Variants in KRT77 observed in about 807,000 individuals in gnomAD.
The protein encoded by KRT77 is keratin 77.
A neutral mutation model predicts 51.5 loss-of-function variants in KRT77; 44 were observed. That is an observed-to-expected ratio of 0.85 (90% CI 0.67 to 1.10). The LOEUF (loss-of-function observed/expected upper bound fraction) is 1.10. Among genes scored for constraint, KRT77 ranks in the 50% least tolerant of loss-of-function variants. KRT77 has a pLI of 0.00. For synonymous variants in KRT77, 293 were observed against 302.0 expected, an observed-to-expected ratio of 0.97 and a Z score of 0.31; for missense variants, 763 against 743.9, an observed-to-expected ratio of 1.03 and a Z score of -0.30.
chr12:52,690,259 A>C lies in KRT77; in HGVS notation c.*906T>G, dbSNP rs1426808253. The C allele has an allele frequency of 6.6e-6, 1 of 152,250 alleles. No homozygotes were observed. Among genetic ancestry groups the C allele is most frequent in the African/African-American group, 2.4e-5 (1 of 41,464 alleles). The allele number at this position is 152,250 out of a possible 1,614,324, so 9.4% of individuals were successfully genotyped here. ...TGCTTGTCTGTTCATCAACTCCTGC[A>C]TCCACTGCTAAAACAGGCTTCCTTT... On this transcript the variant is annotated 3_prime_UTR_variant, in exon 9 of 9. Transcript: ENST00000341809.
At position 52,703,066 on chromosome 12, in the gene KRT77, C is replaced by G. The variant is rs760779093; in HGVS notation, c.369G>C (p.Gly123=). 2.8e-5 allele frequency: 45 copies of G among 1,613,744 alleles called. No individual in the cohort carries two copies. Among genetic ancestry groups the G allele is most frequent in the Non-Finnish European group, 3.4e-5 (40 of 1,179,968 alleles). ...GGAGFGTSNF[G]LGGFGPYCPP... is the part of the protein sequence containing the mutation. ...GACAATAAGGACCAAAGCCCCCAAG[C>G]CCAAAATTGCTAGTCCCAAATCCAG... is the stretch of plus-strand genomic sequence containing the variant. The change falls in exon 1 of 9, where the codon GGG becomes GGC. Residue 123 remains glycine, a synonymous_variant. Transcript: ENST00000341809.
At chr12:52,692,358 A>G (rs1394393630) in intron 7 of KRT77, 63 bp downstream of exon 7, 1 of 1,563,880 alleles carries the variant, frequency 6.4e-7, no homozygotes, top group East Asian at 2.3e-5. Flanking sequence ...CCAAATAGCC[A>G]GTCCCACAGC....
At position 52,694,638 on chromosome 12, in the gene KRT77, C is replaced by T; in HGVS notation, c.1068G>A (p.Leu356=). 6.2e-7 allele frequency: 1 copy of T among 1,606,632 alleles called. No individual in the cohort carries two copies. ...GGGCCACGCCCACCTTGGTCTGGTA[C>T]AGGGCTTCGGCCTCGTCCTTGCTCC... ...AQRSKDEAEA[L]YQTKYQELQI... The change falls in exon 5 of 9, where the codon CTG becomes CTA. Residue 356 remains leucine, a synonymous_variant. Coordinates refer to ENST00000341809, the MANE Select transcript of KRT77 (RefSeq NM_175078.3).
intron 8 of KRT77, 80 bp downstream of exon 8, chr12:52,691,858 C>G: frequency 6.4e-7 from 1 of 1,555,254 alleles, no homozygotes; most frequent in Non-Finnish European, 8.8e-7. Context: ...CCAGACTTTC[C>G]GTTCTCTGCT....
At chr12:52,692,283 A>T in intron 7 of KRT77, 138 bp downstream of exon 7, 1 of 905,308 alleles carries the variant, frequency 1.1e-6, no homozygotes, top group Non-Finnish European at 1.7e-6. Flanking sequence ...CTCTGCCTCT[A>T]ATTGGAATGT....
rs566088726 is a variant in KRT77 at position 52,696,420 on chromosome 12, C to G, written c.769G>C (p.Glu257Gln). 1 of 1,614,222 alleles carries G rather than the reference C, an allele frequency of 6.2e-7. No homozygotes were observed. Among genetic ancestry groups the G allele is most frequent in the African/African-American group, 1.3e-5 (1 of 75,070 alleles). The change falls in exon 3 of 9, where the codon GAA becomes CAA. Residue 257 changes from glutamate to glutamine, a missense_variant. Transcript: ENST00000341809. ...VEDYKSKYEDEINKRTGSEND... is the reference protein window; with the variant it reads ...VEDYKSKYEDQINKRTGSEND... Reference sequence around the variant, plus strand: ...TCGCTGCCAGTCCTCTTGTTGATTTCATCCTCATACCTGTCAGGCGAGGCA... The same window carrying G: ...TCGCTGCCAGTCCTCTTGTTGATTTGATCCTCATACCTGTCAGGCGAGGCA...
Position 52,692,861 on chromosome 12 carries a change from G to A in KRT77, c.1100C>T (p.Thr367Met), listed in dbSNP as rs3782489. The A allele has an allele frequency of 0.37, 600,467 of 1,603,032 alleles. 137,812 individuals carry two copies. The highest frequency in any genetic ancestry group is 0.43 in the African/African-American group (31,724 of 74,632). Residue 367 changes from threonine to methionine, a missense_variant, in exon 6 of 9, where the codon ACG (threonine) becomes ATG (methionine). Physicochemically the swap from Thr to Met is moderately conservative, Grantham distance 81 (BLOSUM62 -1). Transcript: ENST00000341809. ...YQTKYQELQI[T>M]AGRHGDDLKN... ...CAGGTCGTCTCCATGTCTCCCTGCC[G>A]TGATCTGGAGCTCCTGGTACTGGGG...
intron 3 of KRT77, 26 bp downstream of exon 3, chr12:52,696,344 A>G: frequency 6.2e-7 from 1 of 1,611,930 alleles, no homozygotes; most frequent in Non-Finnish European, 8.5e-7. Flanking sequence ...GTCCACAGCC[A>G]CCCTCAGGAC....
At chr12:52,695,538 C>T (rs1291835251) in intron 4 of KRT77, among the ~76,000 whole-genome samples, 5 of 152,160 alleles carry the variant, frequency 3.3e-5, no homozygotes, top group African/African-American at 4.8e-5. Context: ...GGGACACATT[C>T]GCCTCCACCT....
chr12:52,702,863 A>G (rs560774725), intron 1 of KRT77, 29 bp downstream of exon 1: 2 of 1,610,852 alleles, frequency 1.2e-6, no homozygotes, highest in East Asian at 2.2e-5. Context: ...TCAGTGACCA[A>G]TGACCCTCCC....
chr12:52,703,467 G>GA lies in KRT77; in HGVS notation c.-34dup. On this transcript the variant is annotated 5_prime_UTR_variant, in exon 1 of 9. Transcript: ENST00000341809. ...GGAGCATCCAGAGAAGCAGGCAAGAGAAAGAGCCTGGCAGGAAGGAGGCAG... is the reference window on the plus strand; with the variant it reads ...GGAGCATCCAGAGAAGCAGGCAAGAGAAAAGAGCCTGGCAGGAAGGAGGCAG... The GA allele has an allele frequency of 3.9e-6, 6 of 1,531,882 alleles. No individual in the cohort carries two copies. Among genetic ancestry groups the GA allele is most frequent in the Non-Finnish European group, 5.3e-6 (6 of 1,139,452 alleles). 94.9% of individuals were successfully genotyped at this position (1,531,882 alleles called of 1,614,324 possible). A position where few individuals can be genotyped will look rare whatever the true frequency, so the allele number is the denominator to read the frequency against.
At position 52,692,797 on chromosome 12, in the gene KRT77, G is replaced by A. The variant is rs572727706; in HGVS notation, c.1164C>T (p.Thr388=). ...TGATCTCTGCCTGCAGCCTCTGGAC[G>A]GTGCGGTTGAGCTCTGCAATCTCCA... is the stretch of plus-strand genomic sequence containing the variant. ...SKMEIAELNR[T]VQRLQAEISN... The change falls in exon 6 of 9, where the codon ACC becomes ACT. Residue 388 remains threonine (T), a synonymous_variant. Transcript: ENST00000341809. The A allele has an allele frequency of 8.1e-6, 13 of 1,604,178 alleles. 1 individual carries two copies. The highest frequency in any genetic ancestry group is 6.7e-5 in the Admixed American group (4 of 59,724).
chr12:52,692,966 T>C (rs1018267331), intron 5 of KRT77, 86 bp from the exon 6 acceptor site: 1 of 1,465,288 alleles, frequency 6.8e-7, no homozygotes. Context: ...TGCTCTCCCC[T>C]GGGAGATTCC....
At position 52,703,025 on chromosome 12, in the gene KRT77, T is replaced by C. The variant is rs1941907238; in HGVS notation, c.410A>G (p.Gln137Arg). 6.2e-7 allele frequency: 1 copy of C among 1,613,912 alleles called. No homozygotes were observed. The highest frequency in any genetic ancestry group is 1.3e-5 in the African/African-American group (1 of 74,856). Residue 137 changes from glutamine (Q) to arginine (R), a missense_variant, in exon 1 of 9, where the codon CAA (glutamine) becomes CGA (arginine). Coordinates refer to ENST00000341809, the MANE Select transcript of KRT77 (RefSeq NM_175078.3). ...GAGGCTCTGGTTAATGGTCACCTCT[T>C]GGATGCCCCCAGGAGGACAATAAGG... is the stretch of plus-strand genomic sequence containing the variant. ...FGPYCPPGGI[Q>R]EVTINQSLLE...
chr12:52,694,777 A>C lies in KRT77; in HGVS notation c.929T>G (p.Val310Gly). Residue 310 changes from valine to glycine, a missense_variant, in exon 5 of 9, where the codon GTG (valine) becomes GGG (glycine). Val to Gly is a moderately radical substitution (Grantham distance 109). Coordinates refer to ENST00000341809, the MANE Select transcript of KRT77 (RefSeq NM_175078.3). ...KYLFLTELSQ[V>G]QTHISDTNVI... ...GTTGGTGTCGCTGATGTGAGTCTGCACCTGAGACAGCTCCTGCGAGGCATG... is the reference window on the plus strand; with the variant it reads ...GTTGGTGTCGCTGATGTGAGTCTGCCCCTGAGACAGCTCCTGCGAGGCATG... 1.2e-6 allele frequency: 2 copies of C among 1,602,618 alleles called. No homozygotes were observed. Among genetic ancestry groups the C allele is most frequent in the Non-Finnish European group, 1.7e-6 (2 of 1,171,254 alleles).
rs74093790 is a variant in KRT77, at chr12:52,703,165, T to C, written c.270A>G (p.Gly90=). ...SGFCQGGGVG[G]FGGGRGFGVG... Reference sequence around the variant, plus strand: ...CCCCAAAGCCTCTGCCCCCTCCAAATCCCCCTACTCCCCCACCCTGGCAGA... The same window carrying C: ...CCCCAAAGCCTCTGCCCCCTCCAAACCCCCCTACTCCCCCACCCTGGCAGA... The change falls in exon 1 of 9, where the codon GGA becomes GGG. Residue 90 remains glycine (G), a synonymous_variant. Transcript: ENST00000341809. The C allele has an allele frequency of 7.8e-3, 11,660 of 1,500,066 alleles. 363 individuals are homozygous for C. In the African/African-American group the frequency reaches 0.11, roughly 14 times the overall value. The allele number at this position is 1,500,066 out of a possible 1,614,324, so 92.9% of individuals were successfully genotyped here.
At chr12:52,692,045 T>A in intron 7 of KRT77, 73 bp from the exon 8 acceptor site, 1 of 1,510,932 alleles carries the variant, frequency 6.6e-7, no homozygotes. Flanking sequence ...CACAGACATC[T>A]GGATCAGAGG....
rs764170432 is a variant in KRT77, at chr12:52,694,761, G to A, written c.945C>T (p.Ser315=). 8.7e-6 allele frequency: 14 copies of A among 1,610,620 alleles called. No homozygotes were observed. Among genetic ancestry groups the A allele is most frequent in the South Asian group, 4.4e-5 (4 of 90,676 alleles). Residue 315 remains serine, a synonymous_variant, in exon 5 of 9, where the codon AGC becomes AGT. Coordinates refer to ENST00000341809, the MANE Select transcript of KRT77 (RefSeq NM_175078.3). ...TELSQVQTHI[S]DTNVILSMDN... is the part of the protein sequence containing the mutation. ...CCATGGACAGGATGACGTTGGTGTC[G>A]CTGATGTGAGTCTGCACCTGAGACA...
rs1222853013 is a variant in KRT77, at chr12:52,702,955, G to T, written c.480C>A (p.Ile160=). Residue 160 remains isoleucine (I), a synonymous_variant, in exon 1 of 9, where the codon ATC becomes ATA. Coordinates refer to ENST00000341809, the MANE Select transcript of KRT77 (RefSeq NM_175078.3). ...HLEVDPEIQR[I]KTQEREQIMV... ...TAATCTGCTCCCGCTCCTGGGTCTT[G>T]ATCCTCTGAATTTCAGGGTCCACCT... 1.9e-6 allele frequency: 3 copies of T among 1,614,100 alleles called. No individual in the cohort carries two copies. Among genetic ancestry groups the T allele is most frequent in the Non-Finnish European group, 2.5e-6 (3 of 1,180,034 alleles).
Sources: allele counts gnomAD v4.1 joint callset (sites outside exome capture counted in the v4.1 genomes callset), GRCh38; gene constraint gnomAD v4.1.1; transcripts MANE v1.5; gene names NCBI Gene and HGNC (gene_info 2026-07-23, HGNC 2026-07-21).